DYNC1I1: variants seen among roughly 807,000 people sequenced by gnomAD.
The protein encoded by DYNC1I1 is dynein cytoplasmic 1 intermediate chain 1, also known as cytoplasmic dynein 1 intermediate chain 1.
A neutral mutation model predicts 86.6 loss-of-function variants in DYNC1I1; 43 were observed. The ratio of observed to expected loss-of-function variants is 0.50; its 90% CI spans 0.39 to 0.64. The LOEUF is 0.64. Among genes scored for constraint, DYNC1I1 ranks in the 30% least tolerant of loss-of-function variants. The pLI is 0.00. For synonymous variants in DYNC1I1, 262 were observed against 283.7 expected, an observed-to-expected ratio of 0.92 and a Z score of 0.77; for missense variants, 604 against 788.8, an observed-to-expected ratio of 0.77 and a Z score of 2.81.
At chr7:95,800,359 G>A (rs1794548102) in intron 1 of DYNC1I1, among the ~76,000 whole-genome samples, 1 of 152,064 alleles carries the variant, frequency 6.6e-6, no homozygotes, top group South Asian at 2.1e-4. Flanking sequence ...TGGGGATTGT[G>A]TTCAGTGATA....
At chr7:95,888,438 A>C (rs1346775886) in intron 6 of DYNC1I1, among the ~76,000 whole-genome samples, 1 of 152,164 alleles carries the variant, frequency 6.6e-6, no homozygotes, top group African/African-American at 2.4e-5. Context: ...CCCTGTCTTT[A>C]AAAAAATAAG....
intron 6 of DYNC1I1, among the ~76,000 whole-genome samples, chr7:95,899,634 C>G (rs1196704791): frequency 1.3e-5 from 2 of 152,176 alleles, no homozygotes; most frequent in East Asian, 3.9e-4. Context: ...TGAACCACTC[C>G]TTCAGGCACG....
intron 7 of DYNC1I1, 77 bp from the exon 8 acceptor site, chr7:95,984,738 G>A: frequency 7.2e-7 from 1 of 1,391,446 alleles, no homozygotes; most frequent in Non-Finnish European, 9.6e-7. Flanking sequence ...CTCAAGAATT[G>A]GGTTCCTCTT....
chr7:95,797,655 G>T (rs1220685570), intron 1 of DYNC1I1, among the ~76,000 whole-genome samples: 1 of 151,958 alleles, frequency 6.6e-6, no homozygotes, highest in African/African-American at 2.4e-5. Context: ...AAAGTTCATT[G>T]ATTGATATGG....
intron 6 of DYNC1I1, among the ~76,000 whole-genome samples, chr7:95,957,068 A>T (rs1792735410): frequency 6.6e-6 from 1 of 152,194 alleles, no homozygotes; most frequent in Non-Finnish European, 1.5e-5. Flanking sequence ...CTGATTCCAA[A>T]TTATTGATAT....
chr7:95,945,097 T>C (rs992032578), intron 6 of DYNC1I1, among the ~76,000 whole-genome samples: 2 of 150,956 alleles, frequency 1.3e-5, no homozygotes, highest in African/African-American at 4.9e-5. Context: ...AAAAAACCAT[T>C]TTTTAATACA....
At chr7:96,080,291 G>C in intron 15 of DYNC1I1, 72 bp from the exon 16 acceptor site, 2 of 1,506,626 alleles carry the variant, frequency 1.3e-6, no homozygotes, top group Non-Finnish European at 1.8e-6. Context: ...CCAGTTAAAC[G>C]TATTATTGTA....
chr7:96,082,025 A>C (rs1049827052), intron 16 of DYNC1I1, among the ~76,000 whole-genome samples: 1 of 152,194 alleles, frequency 6.6e-6, no homozygotes, highest in Non-Finnish European at 1.5e-5. Context: ...AACTCTGTTA[A>C]TATTGGCCCC....
chr7:95,978,510 G>C (rs758346116), intron 7 of DYNC1I1, among the ~76,000 whole-genome samples: 9 of 152,216 alleles, frequency 5.9e-5, no homozygotes, highest in Non-Finnish European at 8.8e-5. Flanking sequence ...AATAAATGAA[G>C]AGCGGGACCT....
At chr7:95,933,324 C>T (rs11768375) in intron 6 of DYNC1I1, among the ~76,000 whole-genome samples, 2,580 of 152,246 alleles carry the variant, frequency 0.017, 48 homozygotes, top group South Asian at 0.099. Flanking sequence ...AATCCACAGC[C>T]GGTTTGAGAT....
At chr7:95,783,090 G>T (rs757198271) in intron 1 of DYNC1I1, among the ~76,000 whole-genome samples, 4 of 152,148 alleles carry the variant, frequency 2.6e-5, no homozygotes, top group Non-Finnish European at 5.9e-5. Flanking sequence ...CCCATTTAGG[G>T]CCGTTGGTTT....
At chr7:95,821,600 C>T (rs1795077431) in intron 4 of DYNC1I1, among the ~76,000 whole-genome samples, 1 of 152,102 alleles carries the variant, frequency 6.6e-6, no homozygotes, top group Admixed American at 6.5e-5. Flanking sequence ...AAATCAGAGA[C>T]AGCAAAGATA....
intron 5 of DYNC1I1, among the ~76,000 whole-genome samples, chr7:95,865,172 CT>C (rs1164987718): frequency 1.3e-5 from 2 of 152,266 alleles, no homozygotes; most frequent in East Asian, 3.9e-4. Flanking sequence ...TTGGTTTACT[CT>C]TGGCACAATT....
intron 6 of DYNC1I1, among the ~76,000 whole-genome samples, chr7:95,903,954 A>G (rs1209738730): frequency 1.3e-5 from 2 of 152,198 alleles, no homozygotes; most frequent in Non-Finnish European, 2.9e-5. Context: ...ACTCCCAAAG[A>G]GAGCCTAGAG....
At chr7:95,786,148 C>T (rs1794139615) in intron 1 of DYNC1I1, among the ~76,000 whole-genome samples, 1 of 152,042 alleles carries the variant, frequency 6.6e-6, no homozygotes, top group African/African-American at 2.4e-5. Flanking sequence ...AAAAAAATAG[C>T]CCTGGGTCAG....
intron 4 of DYNC1I1, among the ~76,000 whole-genome samples, chr7:95,816,585 G>A (rs938812262): frequency 4.6e-5 from 7 of 152,030 alleles, no homozygotes; most frequent in Admixed American, 2.6e-4. Flanking sequence ...CAAGCAACAC[G>A]CTCTTGGATT....
At chr7:95,953,637 A>C (rs2116486125) in intron 6 of DYNC1I1, among the ~76,000 whole-genome samples, 1 of 152,342 alleles carries the variant, frequency 6.6e-6, no homozygotes, top group East Asian at 1.9e-4. Context: ...ACTGTCAATC[A>C]CTGAGTTTAA....
chr7:95,950,500 G>T (rs1792523620), intron 6 of DYNC1I1, among the ~76,000 whole-genome samples: 1 of 152,144 alleles, frequency 6.6e-6, no homozygotes, highest in Middle Eastern at 3.2e-3. Context: ...TAATTTGTCT[G>T]TTCAATATGT....
At position 96,021,522 on chromosome 7, in the gene DYNC1I1, T is replaced by A. The variant is rs554510422; in HGVS notation, c.970-6653T>A. Among the ~76,000 whole-genome samples the A allele has an allele frequency of 6.6e-5, 10 of 152,310 alleles. No individual in the cohort carries two copies. The South Asian group carries it at 2.1e-3, about 32-fold the overall frequency. ...GCACAATTTTAACAATTAAGATATA[T>A]TTTACATGCCACAAATTTACCCTTT... On this transcript the variant is annotated intron_variant, in intron 10 of 16. Coordinates refer to ENST00000447467, the MANE Select transcript of DYNC1I1 (RefSeq NM_001135556.2).
Sources: allele counts gnomAD v4.1 joint callset (sites outside exome capture counted in the v4.1 genomes callset), GRCh38; gene constraint gnomAD v4.1.1; transcripts MANE v1.5; gene names NCBI Gene and HGNC (gene_info 2026-07-23, HGNC 2026-07-21).